PEX11B: variants seen among roughly 807,000 people sequenced by gnomAD.
The protein encoded by PEX11B is peroxisomal biogenesis factor 11 beta.
A neutral mutation model predicts 28.2 loss-of-function variants in PEX11B; 18 were observed. That is an observed-to-expected ratio of 0.64 (90% CI 0.44 to 0.95). The LOEUF (loss-of-function observed/expected upper bound fraction) is 0.95, where lower values mean the gene tolerates loss of function less well. Ranked by LOEUF, PEX11B falls within the 40% of genes least tolerant of loss-of-function variation. The pLI, the probability that PEX11B is intolerant of heterozygous loss-of-function variation, is 0.00. For missense variants in PEX11B, 305 were observed against 319.8 expected, an observed-to-expected ratio of 0.95 and a Z score of 0.35; for synonymous variants, 128 against 128.7, an observed-to-expected ratio of 0.99 and a Z score of 0.04.
Position 145,918,624 on chromosome 1 carries a change from G to A in PEX11B, c.56+9C>T. Reference sequence around the variant, plus strand: ...CCCCGCCCCACCCCCATTCCTATTCGGGCCGCACCTACACAGCCGCTCCCG... The same window carrying A: ...CCCCGCCCCACCCCCATTCCTATTCAGGCCGCACCTACACAGCCGCTCCCG... On this transcript the variant is annotated intron_variant, in intron 1 of 3. Transcript: ENST00000369306. 1.3e-6 allele frequency: 2 copies of A among 1,548,716 alleles called. No homozygotes were observed. Among genetic ancestry groups the A allele is most frequent in the Non-Finnish European group, 1.7e-6 (2 of 1,154,096 alleles).
In PEX11B at chr1:145,918,689, G is replaced by A. The variant is rs1647567787; in HGVS notation, c.-1C>T. 2 of 1,572,988 alleles carry A rather than the reference G, an allele frequency of 1.3e-6. No homozygotes were observed. The highest frequency in any genetic ancestry group is 1.4e-5 in the African/African-American group (1 of 73,552). The stretch of plus-strand genomic sequence containing the variant: ...CACTGAAGCGGACCCAGGCGTCCAT[G>A]ACAGCCGCAGCCCAGGCTCCGCGGC... On this transcript the variant is annotated 5_prime_UTR_variant, in exon 1 of 4. Coordinates refer to ENST00000369306, the MANE Select transcript of PEX11B (RefSeq NM_003846.3).
chr1:145,912,629 C>T (rs1657860625), intron 3 of PEX11B, 63 bp from the exon 4 acceptor site: 2 of 1,099,564 alleles, frequency 1.8e-6, no homozygotes, highest in Admixed American at 2.8e-5. Context: ...TCCAACATCA[C>T]ATTTTAACAT....
intron 3 of PEX11B, 127 bp from the exon 4 acceptor site, chr1:145,912,693 C>T (rs1657862914): frequency 1.7e-6 from 1 of 580,316 alleles, no homozygotes; most frequent in Admixed American, 3.0e-5. Flanking sequence ...AAAGTGAATG[C>T]TATTACCCCT....
chr1:145,913,403 C>T (rs1433296627), intron 3 of PEX11B, among the ~76,000 whole-genome samples: 7 of 152,044 alleles, frequency 4.6e-5, no homozygotes, highest in African/African-American at 1.7e-4. Context: ...GTACAAACAT[C>T]GAGCTATAAC....
At position 145,911,546 on chromosome 1, in the gene PEX11B, A is replaced by C. The variant is rs958933427; in HGVS notation, c.*615T>G. On this transcript the variant is annotated 3_prime_UTR_variant, in exon 4 of 4. Coordinates refer to ENST00000369306, the MANE Select transcript of PEX11B (RefSeq NM_003846.3). ...CTCTGAAATCAAAGTGTAAGCAGAA[A>C]TCTGAAGGTAGGTGTACAAGGAAGG... is the stretch of plus-strand genomic sequence containing the variant. 4 of 165,858 alleles carry C rather than the reference A, an allele frequency of 2.4e-5. No individual in the cohort carries two copies. Among genetic ancestry groups the C allele is most frequent in the Non-Finnish European group, 5.4e-5 (4 of 74,582 alleles). The allele number at this position is 165,858 out of a possible 1,614,324, so 10.3% of individuals were successfully genotyped here. A position where few individuals can be genotyped will look rare whatever the true frequency, so the allele number is the denominator to read the frequency against.
At chr1:145,918,600 C>T (rs1553754351) in intron 1 of PEX11B, 33 bp downstream of exon 1, 1 of 1,577,988 alleles carries the variant, frequency 6.3e-7, no homozygotes, top group Non-Finnish European at 8.6e-7. Flanking sequence ...CCATCCCTCC[C>T]CCGCCCCACC....
At position 145,912,105 on chromosome 1, in the gene PEX11B, C is replaced by T. The variant is rs782386255; in HGVS notation, c.*56G>A. 13 of 1,345,866 alleles carry T rather than the reference C, an allele frequency of 9.7e-6. No homozygotes were observed. Among genetic ancestry groups the T allele is most frequent in the Middle Eastern group, 3.8e-4 (2 of 5,204 alleles). 83.4% of individuals were successfully genotyped at this position (1,345,866 alleles called of 1,614,324 possible). ...TCGAATGAGGCTGGCACATGGGGGACGATCTAAGATTCCATCTCACCAATT... is the reference window on the plus strand; with the variant it reads ...TCGAATGAGGCTGGCACATGGGGGATGATCTAAGATTCCATCTCACCAATT... On this transcript the variant is annotated 3_prime_UTR_variant, in exon 4 of 4. Coordinates refer to ENST00000369306, the MANE Select transcript of PEX11B (RefSeq NM_003846.3).
rs587758847 is a variant in PEX11B, at chr1:145,917,854, C to T, written c.57-38G>A. 30 of 1,505,570 alleles carry T rather than the reference C, an allele frequency of 2.0e-5. No individual in the cohort carries two copies. In the African/African-American group the frequency reaches 2.3e-4, roughly 12 times the overall value. The allele number at this position is 1,505,570 out of a possible 1,614,324, so 93.3% of individuals were successfully genotyped here. A position where few individuals can be genotyped will look rare whatever the true frequency, so the allele number is the denominator to read the frequency against. ...GCAGGCAAGGTAAGGTGGAGACCTC[C>T]CTAACCTTCCGCTCAAAACTATCTT... is the stretch of plus-strand genomic sequence containing the variant. On this transcript the variant is annotated intron_variant, in intron 1 of 3. Transcript: ENST00000369306.
chr1:145,912,654 G>GCA lies in PEX11B; in HGVS notation c.375-90_375-89dup, dbSNP rs71803934. 22,310 of 911,032 alleles carry GCA rather than the reference G, an allele frequency of 0.024. 2,611 individuals carry two copies. The African/African-American group carries it at 0.28, about 12-fold the overall frequency. 56.4% of individuals were successfully genotyped at this position (911,032 alleles called of 1,614,324 possible). On this transcript the variant is annotated intron_variant, in intron 3 of 3. Coordinates refer to ENST00000369306, the MANE Select transcript of PEX11B (RefSeq NM_003846.3). ...CATTTTAACATTTTCTTTTCCTGTAGCAAAGAGATTACACATTAGATCAGA... is the reference window on the plus strand; with the variant it reads ...CATTTTAACATTTTCTTTTCCTGTAGCACAAAGAGATTACACATTAGATCAGA...
intron 3 of PEX11B, 38 bp downstream of exon 3, chr1:145,916,779 T>A: frequency 1.4e-6 from 2 of 1,450,944 alleles, no homozygotes; most frequent in Non-Finnish European, 9.7e-7. Context: ...ATATAGAGGC[T>A]ACAAAAAAAA....
chr1:145,917,372 AGT>A (rs1225105896), intron 2 of PEX11B, among the ~76,000 whole-genome samples: 8 of 152,198 alleles, frequency 5.3e-5, no homozygotes, highest in Admixed American at 4.6e-4. Flanking sequence ...CAGAGGTTGC[AGT>A]GAGCCAAGAT....
At chr1:145,917,931 T>G in intron 1 of PEX11B, 115 bp from the exon 2 acceptor site, 1 of 1,391,966 alleles carries the variant, frequency 7.2e-7, no homozygotes, top group African/African-American at 1.4e-5. Flanking sequence ...ACACTCCCCT[T>G]CCTCCTCCAT....
chr1:145,917,917 G>A (rs1204681172), intron 1 of PEX11B, 101 bp from the exon 2 acceptor site: 1 of 1,395,558 alleles, frequency 7.2e-7, no homozygotes, highest in African/African-American at 1.4e-5. Flanking sequence ...TTCCCAGTTT[G>A]AGAACACTCC....
At chr1:145,918,557 A>T in intron 1 of PEX11B, 76 bp downstream of exon 1, 2 of 1,552,708 alleles carry the variant, frequency 1.3e-6, no homozygotes, top group Non-Finnish European at 1.7e-6. Flanking sequence ...CTGTAGCCTA[A>T]ACTGACTTCG....
At chr1:145,918,480 C>T (rs1054011259) in intron 1 of PEX11B, 153 bp downstream of exon 1, 2 of 1,536,794 alleles carry the variant, frequency 1.3e-6, no homozygotes. Flanking sequence ...ATCTCAACAG[C>T]GGCTCAAATC....
Position 145,912,177 on chromosome 1 carries a change from A to G in PEX11B, c.764T>C (p.Leu255Pro). The stretch of plus-strand genomic sequence containing the variant: ...ACCGGAAGGTCAGGGCTTGAGTCGT[A>G]GCCAGGGATAGATTAGGGTGAGAAT... ...LSILTLIYPW[L>P]RLKP The change falls in exon 4 of 4, where the codon CTA becomes CCA. Residue 255 changes from leucine to proline, a missense_variant. By Grantham distance (98) the Leu-to-Pro change is moderately conservative. Transcript: ENST00000369306. 2.5e-6 allele frequency: 4 copies of G among 1,607,002 alleles called. No individual in the cohort carries two copies. The highest frequency in any genetic ancestry group is 2.6e-6 in the Non-Finnish European group (3 of 1,175,954).
intron 1 of PEX11B, chr1:145,918,063 G>A: frequency 1.0e-6 from 1 of 985,116 alleles, no homozygotes; most frequent in South Asian, 4.7e-5. Flanking sequence ...ACAATGATGA[G>A]GCCTGAAGGG....
Position 145,918,653 on chromosome 1 carries a change from T to A in PEX11B, c.36A>T (p.Gln12His). The A allele has an allele frequency of 1.3e-6, 2 of 1,551,806 alleles. No individual in the cohort carries two copies. The highest frequency in any genetic ancestry group is 1.7e-6 in the Non-Finnish European group (2 of 1,149,740). Residue 12 changes from glutamine (Q) to histidine (H), a missense_variant, in exon 1 of 4, where the codon CAA becomes CAT. Gln to His is a conservative substitution (Grantham distance 24, BLOSUM62 0). Transcript: ENST00000369306. ...CGCACCTACACAGCCGCTCCCGGGC[T>A]TGGCTCTGAGCACTGAAGCGGACCC... ...DAWVRFSAQS[Q>H]ARERLCRAAQ...
rs377003415 is a variant in PEX11B, at chr1:145,917,662, G to A, written c.172+39C>T. 5.3e-6 allele frequency: 6 copies of A among 1,137,380 alleles called. No individual in the cohort carries two copies. The African/African-American group carries it at 9.1e-5, about 17-fold the overall frequency. The allele number at this position is 1,137,380 out of a possible 1,614,324, so 70.5% of individuals were successfully genotyped here. A position where few individuals can be genotyped will look rare whatever the true frequency, so the allele number is the denominator to read the frequency against. On this transcript the variant is annotated intron_variant, in intron 2 of 3. Coordinates refer to ENST00000369306, the MANE Select transcript of PEX11B (RefSeq NM_003846.3). The stretch of plus-strand genomic sequence containing the variant: ...AAAGGAAGGTGAGCTGGGGATGGAG[G>A]AAAGGTTGGGGGATAAAAGGAAAGA...
Sources: gnomAD v4.1 joint callset for allele counts (sites outside exome capture counted in the v4.1 genomes callset) on GRCh38, gnomAD v4.1.1 for gene constraint, MANE v1.5 for transcripts, NCBI Gene and HGNC (gene_info 2026-07-23, HGNC 2026-07-21) for gene names.